Variants in SLC6A14 observed in about 807,000 individuals in gnomAD.
SLC6A14 encodes sodium- and chloride-dependent neutral and basic amino acid transporter B(0+).
SLC6A14 carries 21 observed loss-of-function variants against 51.4 expected under a neutral mutation model. That is an observed-to-expected ratio of 0.41 (90% CI 0.29 to 0.59). SLC6A14 has a LOEUF of 0.59. SLC6A14 is among the 20% of genes least tolerant of loss of function. The pLI is 0.31. For synonymous variants in SLC6A14, 177 were observed against 160.7 expected, an observed-to-expected ratio of 1.10 and a Z score of -0.77; for missense variants, 371 against 472.8, an observed-to-expected ratio of 0.78 and a Z score of 2.00.
At position 116,444,535 on chromosome X, in the gene SLC6A14, T is replaced by C. The variant is rs1020227745; in HGVS notation, c.657-383T>C. 1.7e-4 allele frequency among the ~76,000 whole-genome samples: 19 copies of C among 112,070 alleles called. 1 individual carries two copies. Among genetic ancestry groups the C allele is most frequent in the Non-Finnish European group, 1.1e-4 (6 of 53,129 alleles). On this transcript the variant is annotated intron_variant, in intron 5 of 13. Coordinates refer to ENST00000598581, the MANE Select transcript of SLC6A14 (RefSeq NM_007231.5). ...TGGAATGAGGAAATATTTAATATAA[T>C]TGTAAATGTTTTCCTCATTATTTTA...
At chrX:116,452,341 A>C (rs1927840524) in intron 8 of SLC6A14, among the ~76,000 whole-genome samples, 1 of 111,308 alleles carries the variant, frequency 9.0e-6, no homozygotes, top group Admixed American at 9.6e-5. Context: ...AGAAGGTCAA[A>C]TATTTAGGAA....
chrX:116,440,189 G>GA (rs1242825028), intron 2 of SLC6A14, among the ~76,000 whole-genome samples: 1 of 109,158 alleles, frequency 9.2e-6, no homozygotes, highest in Admixed American at 9.8e-5. Context: ...AAAGTGGAAA[G>GA]AAAAAAAAAG....
chrX:116,449,463 A>G (rs183017766), intron 7 of SLC6A14, among the ~76,000 whole-genome samples: 3 of 111,781 alleles, frequency 2.7e-5, no homozygotes, highest in African/African-American at 9.7e-5. Context: ...CATGCTGTTC[A>G]TCTGTTAATA....
intron 8 of SLC6A14, among the ~76,000 whole-genome samples, 188 bp downstream of exon 8, chrX:116,451,858 A>C (rs1265106367): frequency 3.6e-5 from 4 of 111,990 alleles, no homozygotes; most frequent in African/African-American, 1.3e-4. Flanking sequence ...CATGTAAACA[A>C]GAGTATATTA....
chrX:116,458,732 T>C, intron 13 of SLC6A14, 77 bp from the exon 14 acceptor site: 2 of 906,634 alleles, frequency 2.2e-6, no homozygotes, highest in Non-Finnish European at 3.0e-6. Flanking sequence ...TAAAGGAAAG[T>C]ACAGTTCAAT....
In SLC6A14 at chrX:116,455,421, A is replaced by G. The variant is rs371021851; in HGVS notation, c.1569A>G (p.Leu523=). The change falls in exon 12 of 14, where the codon CTA becomes CTG. Residue 523 remains leucine, a synonymous_variant. Coordinates refer to ENST00000598581, the MANE Select transcript of SLC6A14 (RefSeq NM_007231.5). ...GAGCAAAGAGGTGGATATTCTGGCT[A>G]TGGTGGAGAGCTTGCTGGTTTGTAA... ...MIGAKRWIFW[L]WWRACWFVIT... The G allele has an allele frequency of 2.5e-6, 3 of 1,205,039 alleles. No individual in the cohort carries two copies. The highest frequency in any genetic ancestry group is 2.2e-5 in the Admixed American group (1 of 45,720).
intron 5 of SLC6A14, among the ~76,000 whole-genome samples, chrX:116,444,541 A>G (rs782648985): frequency 1.2e-4 from 14 of 112,200 alleles, no homozygotes; most frequent in Admixed American, 2.8e-4. Flanking sequence ...ATAATTGTAA[A>G]TGTTTTCCTC....
intron 12 of SLC6A14, among the ~76,000 whole-genome samples, chrX:116,457,148 C>A (rs1010111898): frequency 9.0e-5 from 10 of 111,452 alleles, no homozygotes; most frequent in African/African-American, 2.9e-4. Flanking sequence ...AATTCCTAAG[C>A]AAGGAGAAAA....
chrX:116,448,134 C>G lies in SLC6A14; in HGVS notation c.930+1253C>G, dbSNP rs1927753724. On this transcript the variant is annotated intron_variant, in intron 7 of 13. Coordinates refer to ENST00000598581, the MANE Select transcript of SLC6A14 (RefSeq NM_007231.5). Reference sequence around the variant, plus strand: ...CTTACAAGAGGATGTGTAATTATTTCTTGTAAAGATTTTTTGTAAGCAGTG... The same window carrying G: ...CTTACAAGAGGATGTGTAATTATTTGTTGTAAAGATTTTTTGTAAGCAGTG... 2.7e-5 allele frequency among the ~76,000 whole-genome samples: 3 copies of G among 111,491 alleles called. No homozygotes were observed. The South Asian group carries it at 1.1e-3, about 41-fold the overall frequency.
chrX:116,454,425 C>G lies in SLC6A14; in HGVS notation c.1387C>G (p.Leu463Val). 1.4e-5 allele frequency: 17 copies of G among 1,173,405 alleles called. No homozygotes were observed. The highest frequency in any genetic ancestry group is 2.0e-5 in the Non-Finnish European group (17 of 862,850). Residue 463 changes from leucine (L) to valine (V), a missense_variant, in exon 10 of 14, where the codon CTC (leucine) becomes GTC (valine). By Grantham distance (32) the Leu-to-Val change is conservative. Transcript: ENST00000598581. ...CTGCTTGGTTTTGTTTCTCCTTGGT[C>G]TCGTCTGTGTGACTCAGGTATACTA... Reference protein sequence around the residue: ...GCCLVLFLLGLVCVTQAGIYW... With the variant: ...GCCLVLFLLGVVCVTQAGIYW...
At chrX:116,443,854 A>C in intron 5 of SLC6A14, 64 bp downstream of exon 5, 1 of 848,561 alleles carries the variant, frequency 1.2e-6, no homozygotes, top group South Asian at 3.3e-5. Flanking sequence ...AAAACAACAA[A>C]ACATTAATCA....
Position 116,437,726 on chromosome X carries a change from A to C in SLC6A14, c.49-64A>C, listed in dbSNP as rs1602509031. The C allele has an allele frequency of 2.0e-5, 21 of 1,075,804 alleles. No homozygotes were observed. In the East Asian group the frequency reaches 6.5e-4, roughly 33 times the overall value. The allele number at this position is 1,075,804 out of a possible 1,213,427, so 88.7% of individuals were successfully genotyped here. A position where few individuals can be genotyped will look rare whatever the true frequency, so the allele number is the denominator to read the frequency against. ...TTTCTGTTGCTCTATGGATTTGTGA[A>C]ATTATGCTTCTGTGGAATTTGTAAT... On this transcript the variant is annotated intron_variant, in intron 1 of 13. Transcript: ENST00000598581.
chrX:116,450,257 G>C (rs1384525739), intron 7 of SLC6A14, among the ~76,000 whole-genome samples: 1 of 111,426 alleles, frequency 9.0e-6, no homozygotes, highest in Admixed American at 9.6e-5. Flanking sequence ...ATATATAATA[G>C]TCAAAAGATT....
chrX:116,460,947 G>A lies in SLC6A14; in HGVS notation c.*1992G>A, dbSNP rs948405526. On this transcript the variant is annotated 3_prime_UTR_variant, in exon 14 of 14. Transcript: ENST00000598581. ...GATTGTTAATTCCTCAGTTATACCA[G>A]ATTTTATAAAATATTTGAGAATAGA... The A allele has an allele frequency of 4.5e-5, 5 of 111,274 alleles. No homozygotes were observed. Among genetic ancestry groups the A allele is most frequent in the African/African-American group, 1.6e-4 (5 of 30,559 alleles). 9.2% of individuals were successfully genotyped at this position (111,274 alleles called of 1,213,427 possible). A position where few individuals can be genotyped will look rare whatever the true frequency, so the allele number is the denominator to read the frequency against.
intron 8 of SLC6A14, 52 bp downstream of exon 8, chrX:116,451,722 A>G (rs782251106): frequency 1.4e-6 from 1 of 694,899 alleles, no homozygotes; most frequent in African/African-American, 2.2e-5. Flanking sequence ...TATCTCACTT[A>G]TGAAACTCCA....
intron 1 of SLC6A14, among the ~76,000 whole-genome samples, chrX:116,437,308 G>GTT (rs3043424): frequency 0.17 from 18,234 of 108,363 alleles, 1,418 homozygotes; most frequent in Admixed American, 0.24. Flanking sequence ...ATAGATTCTC[G>GTT]TTTTTTTTTC....
intron 2 of SLC6A14, among the ~76,000 whole-genome samples, chrX:116,439,133 C>T (rs1556693494): frequency 9.0e-6 from 1 of 111,501 alleles, no homozygotes; most frequent in Non-Finnish European, 1.9e-5. Context: ...AAGAAATTCC[C>T]TGTGCCTTGA....
rs1927677851 is a variant in SLC6A14 at position 116,445,031 on chromosome X, G to T, written c.770G>T (p.Gly257Val). Reference protein sequence around the residue: ...WLIVGAALFKGIKSSGKVVYF... With the variant: ...WLIVGAALFKVIKSSGKVVYF... Reference sequence around the variant, plus strand: ...ATAGTTGGAGCAGCACTATTTAAAGGAATCAAATCGTCTGGCAAGGTAACT... The same window carrying T: ...ATAGTTGGAGCAGCACTATTTAAAGTAATCAAATCGTCTGGCAAGGTAACT... The change falls in exon 6 of 14, where the codon GGA (glycine) becomes GTA (valine). Residue 257 changes from glycine (G) to valine (V), a missense_variant. By Grantham distance (109) the Gly-to-Val change is moderately radical (BLOSUM62 -3). Coordinates refer to ENST00000598581, the MANE Select transcript of SLC6A14 (RefSeq NM_007231.5). The T allele has an allele frequency of 4.2e-6, 5 of 1,190,456 alleles. No homozygotes were observed. Among genetic ancestry groups the T allele is most frequent in the Non-Finnish European group, 5.6e-6 (5 of 887,012 alleles).
chrX:116,437,738 G>C, intron 1 of SLC6A14, 52 bp from the exon 2 acceptor site: 2 of 1,119,153 alleles, frequency 1.8e-6, no homozygotes, highest in African/African-American at 1.8e-5. Context: ...TTATGCTTCT[G>C]TGGAATTTGT....
Sources: gnomAD v4.1 joint callset for allele counts (sites outside exome capture counted in the v4.1 genomes callset) on GRCh38, gnomAD v4.1.1 for gene constraint, MANE v1.5 for transcripts, NCBI Gene and HGNC (gene_info 2026-07-23, HGNC 2026-07-21) for gene names.